CPSF7: variants seen among roughly 807,000 people sequenced by gnomAD.
The protein encoded by CPSF7 is cleavage and polyadenylation specific factor 7.
Under a neutral mutation model 44.3 loss-of-function variants are expected in CPSF7, and 1 was observed. The ratio of observed to expected loss-of-function variants is 0.02; its 90% confidence interval spans 0.01 to 0.11. The LOEUF (loss-of-function observed/expected upper bound fraction) is 0.11. Among genes scored for constraint, CPSF7 ranks in the 10% least tolerant of loss-of-function variants. The pLI is 1.00. For missense variants in CPSF7, 443 were observed against 607.2 expected (o/e 0.73, Z 2.84); for synonymous variants, 202 against 222.0 (o/e 0.91, Z 0.80).
At chr11:61,405,571 T>C (rs2135228260) in intron 9 of CPSF7, among the ~76,000 whole-genome samples, 1 of 152,316 alleles carries the variant, frequency 6.6e-6, no homozygotes, top group South Asian at 2.1e-4. Flanking sequence ...CCTGTTCCAA[T>C]GCTGCAATAC....
rs576230315 is a variant in CPSF7 at position 61,422,863 on chromosome 11, T to C, written c.55-1255A>G. 6.6e-5 allele frequency among the ~76,000 whole-genome samples: 10 copies of C among 152,274 alleles called. No individual in the cohort carries two copies. The East Asian group carries it at 1.9e-3, about 29-fold the overall frequency. ...TTAGGATTTTACAGGCTGGGTGCAGTGGCTCACGCCTTGTATCCCAGCACT... is the reference window on the plus strand; with the variant it reads ...TTAGGATTTTACAGGCTGGGTGCAGCGGCTCACGCCTTGTATCCCAGCACT... On this transcript the variant is annotated intron_variant, in intron 2 of 9. Coordinates refer to ENST00000439958, the MANE Select transcript of CPSF7 (RefSeq NM_001142565.3).
rs781576103 is a variant in CPSF7 at position 61,415,631 on chromosome 11, TAAG to T, written c.1057+32_1057+34del. On this transcript the variant is annotated intron_variant, in intron 7 of 9. Coordinates refer to ENST00000439958, the MANE Select transcript of CPSF7 (RefSeq NM_001142565.3). The stretch of plus-strand genomic sequence containing the variant: ...AAAATCAGGAAAAAAAAGTAAAGGT[TAAG>T]GAGAAGGCAGCAAAGGTAAGCACTG... The T allele has an allele frequency of 3.7e-6, 5 of 1,367,902 alleles. No homozygotes were observed. The South Asian group carries it at 4.7e-5, about 13-fold the overall frequency. 84.7% of individuals were successfully genotyped at this position (1,367,902 alleles called of 1,614,324 possible).
At chr11:61,419,809 C>T (rs1286607717) in intron 5 of CPSF7, 140 bp downstream of exon 5, 3 of 987,400 alleles carry the variant, frequency 3.0e-6, no homozygotes, top group African/African-American at 3.3e-5. Flanking sequence ...ACCATGACAC[C>T]ACTCACAACC....
At chr11:61,429,656 G>T (rs903068038) in intron 1 of CPSF7, 5 of 1,355,958 alleles carry the variant, frequency 3.7e-6, no homozygotes, top group African/African-American at 1.5e-5. Flanking sequence ...GGCGGCTCCG[G>T]CCAGAGCCCC....
chr11:61,410,557 ACT>A (rs1393839230), intron 9 of CPSF7: 2 of 165,382 alleles, frequency 1.2e-5, no homozygotes, highest in African/African-American at 4.8e-5. Flanking sequence ...GTCTACATGG[ACT>A]CTCTCACTAA....
At position 61,410,944 on chromosome 11, in the gene CPSF7, C is replaced by T. The variant is rs867867169; in HGVS notation, c.1388G>A (p.Ter463=). The change falls in exon 9 of 10, where the codon TGA becomes TAA. Residue 463 remains the stop codon, a stop_retained_variant. Coordinates refer to ENST00000439958, the MANE Select transcript of CPSF7 (RefSeq NM_001142565.3). ...GAACGGGGCTTCTCCCCACCTTTCT[C>T]AGTGGTGCCGGTCCCGTTCTCTATC... is the stretch of plus-strand genomic sequence containing the variant. The part of the protein sequence containing the change: ...HRDRERDRHH[*] The T allele has an allele frequency of 1.3e-6, 2 of 1,597,428 alleles. No homozygotes were observed. The highest frequency in any genetic ancestry group is 3.4e-4 in the Middle Eastern group (2 of 5,966).
At chr11:61,426,333 T>C (rs988990661) in intron 2 of CPSF7, 1 of 152,248 alleles carries the variant, frequency 6.6e-6, no homozygotes, top group Non-Finnish European at 1.5e-5. Context: ...TTTGTTTTTT[T>C]GTTTTTTAAA....
rs986389009 is a variant in CPSF7, at chr11:61,427,610, G to A, written c.54+1572C>T. ...AGAGGTTGCAGTGAGCCGAGATCGC[G>A]CCACTGCACTCCAGCCTGGGTGACA... On this transcript the variant is annotated intron_variant, in intron 2 of 9. Transcript: ENST00000439958. Among the ~76,000 whole-genome samples the A allele has an allele frequency of 1.1e-4, 16 of 147,646 alleles. No homozygotes were observed. In the South Asian group the frequency reaches 1.7e-3, roughly 16 times the overall value.
At chr11:61,415,612 A>G in intron 7 of CPSF7, 54 bp downstream of exon 7, 1 of 1,174,402 alleles carries the variant, frequency 8.5e-7, no homozygotes, top group Middle Eastern at 1.9e-4. Context: ...TGACAAAATC[A>G]GGAAAAAAAA....
At chr11:61,414,762 T>C (rs565052539) in intron 7 of CPSF7, among the ~76,000 whole-genome samples, 4 of 152,304 alleles carry the variant, frequency 2.6e-5, no homozygotes, top group Non-Finnish European at 2.9e-5. Flanking sequence ...CTAAAGATCT[T>C]ATGCTCAGGG....
chr11:61,411,690 G>A (rs529530239), intron 8 of CPSF7, 79 bp downstream of exon 8: 74 of 1,329,106 alleles, frequency 5.6e-5, no homozygotes, highest in Non-Finnish European at 7.0e-5. Context: ...AGATTCCCTG[G>A]GCTCCATTTG....
At position 61,429,941 on chromosome 11, in the gene CPSF7, T is replaced by TC. The variant is rs1446006807; in HGVS notation, c.-84dup. Reference sequence around the variant, plus strand: ...GGAATATGGCGGCGGCGGCGGCGAGTCCGGACTAGGCCCGAAGCGCGCGAA... The same window carrying TC: ...GGAATATGGCGGCGGCGGCGGCGAGTCCCGGACTAGGCCCGAAGCGCGCGAA... On this transcript the variant is annotated 5_prime_UTR_variant, in exon 1 of 10. Transcript: ENST00000439958. 1.1e-5 allele frequency: 16 copies of TC among 1,413,282 alleles called. No individual in the cohort carries two copies. In the African/African-American group the frequency reaches 2.2e-4, roughly 19 times the overall value. The allele number at this position is 1,413,282 out of a possible 1,614,324, so 87.5% of individuals were successfully genotyped here. A position where few individuals can be genotyped will look rare whatever the true frequency, so the allele number is the denominator to read the frequency against.
chr11:61,405,218 C>CT (rs1310988552), intron 9 of CPSF7, among the ~76,000 whole-genome samples: 1 of 152,150 alleles, frequency 6.6e-6, no homozygotes, highest in African/African-American at 2.4e-5. Context: ...CCAAGAGGCC[C>CT]TAGCAGGCAG....
rs201190730 is a variant in CPSF7, at chr11:61,429,131, T to G, written c.54+51A>C. 5.6e-4 allele frequency: 610 copies of G among 1,080,560 alleles called. 12 individuals are homozygous for G. The South Asian group carries it at 6.7e-3, about 12-fold the overall frequency. The allele number at this position is 1,080,560 out of a possible 1,614,324, so 66.9% of individuals were successfully genotyped here. ...GAAACCACTGCCAGTTTGCTGAAAA[T>G]GATTCCTCAGATGATCAAGGAAAAT... On this transcript the variant is annotated intron_variant, in intron 2 of 9. Coordinates refer to ENST00000439958, the MANE Select transcript of CPSF7 (RefSeq NM_001142565.3).
At chr11:61,426,923 GA>G (rs1861412263) in intron 2 of CPSF7, 1 of 150,716 alleles carries the variant, frequency 6.6e-6, no homozygotes, top group Non-Finnish European at 1.5e-5. Context: ...ATCTACTCAG[GA>G]GGCTGAGGCA....
intron 5 of CPSF7, among the ~76,000 whole-genome samples, chr11:61,417,807 A>G (rs1218428264): frequency 6.6e-6 from 1 of 152,226 alleles, no homozygotes; most frequent in Non-Finnish European, 1.5e-5. Context: ...TTTTGTATCT[A>G]TGGCTACAAG....
chr11:61,412,675 T>C (rs1859961119), intron 7 of CPSF7, among the ~76,000 whole-genome samples: 1 of 152,222 alleles, frequency 6.6e-6, no homozygotes, highest in Admixed American at 6.5e-5. Context: ...TAATGTACTA[T>C]TAACAATTAA....
intron 9 of CPSF7, among the ~76,000 whole-genome samples, chr11:61,406,889 G>A (rs1464246150): frequency 1.3e-5 from 2 of 151,882 alleles, no homozygotes; most frequent in Admixed American, 6.6e-5. Context: ...GACTCCTCCT[G>A]CCTCAGCACC....
At chr11:61,415,560 C>T (rs560764605) in intron 7 of CPSF7, 106 bp downstream of exon 7, 100 of 750,276 alleles carry the variant, frequency 1.3e-4, no homozygotes, top group Admixed American at 4.6e-4. Context: ...TTGATATCTA[C>T]AGTACTCCAA....
Sources: allele counts gnomAD v4.1 joint callset (sites outside exome capture counted in the v4.1 genomes callset), GRCh38; gene constraint gnomAD v4.1.1; transcripts MANE v1.5; gene names NCBI Gene and HGNC (gene_info 2026-07-23, HGNC 2026-07-21).